The following CNTN5 variants were observed in gnomAD, a reference collection of about 807,000 sequenced individuals.
CNTN5 encodes the protein contactin 5.
A neutral mutation model predicts 129.1 loss-of-function variants in CNTN5; 77 were observed. The ratio of observed to expected loss-of-function variants is 0.60; its 90% CI spans 0.50 to 0.72. The LOEUF is 0.72. CNTN5 is among the 30% of genes least tolerant of loss of function. The pLI, the probability that CNTN5 is intolerant of heterozygous loss-of-function variation, is 0.00. For missense variants in CNTN5, 1,478 were observed against 1,328.8 expected, an observed-to-expected ratio of 1.11 and a Z score of -1.75; for synonymous variants, 509 against 465.6, an observed-to-expected ratio of 1.09 and a Z score of -1.20.
In CNTN5 at chr11:99,652,656, CAT is replaced by C. The variant is rs539848650; in HGVS notation, c.55+96389_55+96390del. Among the ~76,000 whole-genome samples the C allele has an allele frequency of 2.9e-3, 435 of 152,136 alleles. 1 individual carries two copies. The highest frequency in any genetic ancestry group is 4.8e-3 in the Non-Finnish European group (329 of 67,968). On this transcript the variant is annotated intron_variant, in intron 3 of 24. Transcript: ENST00000524871. ...TGAAAAATTTTGATCAGAACTTACA[CAT>C]AATTTATATAACTTAGTCCATTTTG... is the stretch of plus-strand genomic sequence containing the variant.
chr11:99,170,391 C>A (rs1047582876), intron 1 of CNTN5, among the ~76,000 whole-genome samples: 2 of 152,116 alleles, frequency 1.3e-5, no homozygotes, highest in East Asian at 1.9e-4. Context: ...ACAGGTGGGT[C>A]TAATCTTGGC....
At chr11:100,202,669 T>C (rs1452849709) in intron 15 of CNTN5, among the ~76,000 whole-genome samples, 1 of 151,974 alleles carries the variant, frequency 6.6e-6, no homozygotes, top group African/African-American at 2.4e-5. Context: ...AACATTTAAA[T>C]AGAATTTTAC....
chr11:100,040,733 C>A (rs1942328089), intron 9 of CNTN5, among the ~76,000 whole-genome samples: 1 of 152,204 alleles, frequency 6.6e-6, no homozygotes, highest in African/African-American at 2.4e-5. Context: ...GACTGCTGTG[C>A]TAGCAATGAG....
chr11:99,864,240 C>T (rs1331084447), intron 6 of CNTN5, among the ~76,000 whole-genome samples: 2 of 151,968 alleles, frequency 1.3e-5, no homozygotes, highest in African/African-American at 4.8e-5. Flanking sequence ...TATCCTTCTA[C>T]CAGATATTAA....
intron 2 of CNTN5, among the ~76,000 whole-genome samples, chr11:99,502,301 G>A (rs1361912520): frequency 6.6e-6 from 1 of 151,708 alleles, no homozygotes; most frequent in African/African-American, 2.4e-5. Flanking sequence ...TTTTTTTCTT[G>A]TGTCTTTAAT....
chr11:99,770,032 CTATT>C (rs1944891793), intron 3 of CNTN5, among the ~76,000 whole-genome samples: 1 of 152,032 alleles, frequency 6.6e-6, no homozygotes, highest in African/African-American at 2.4e-5. Flanking sequence ...TACCTAAAAT[CTATT>C]TAGAAAAGTT....
intron 1 of CNTN5, among the ~76,000 whole-genome samples, chr11:99,045,079 A>G (rs1864154188): frequency 6.6e-6 from 1 of 152,220 alleles, no homozygotes; most frequent in Non-Finnish European, 1.5e-5. Context: ...AATAAGTATT[A>G]GTAATGATTA....
chr11:99,319,952 T>C, intron 1 of CNTN5, among the ~76,000 whole-genome samples: 1 of 152,070 alleles, frequency 6.6e-6, no homozygotes, highest in Non-Finnish European at 1.5e-5. Flanking sequence ...TGAGGAAGAA[T>C]GAGATGTCAG....
chr11:100,056,524 G>T (rs897885017), intron 9 of CNTN5, among the ~76,000 whole-genome samples: 1 of 151,534 alleles, frequency 6.6e-6, no homozygotes, highest in African/African-American at 2.4e-5. Context: ...AAATTAGAAA[G>T]AGGGCCATTG....
At chr11:99,312,382 T>A (rs1015599545) in intron 1 of CNTN5, among the ~76,000 whole-genome samples, 3 of 152,168 alleles carry the variant, frequency 2.0e-5, no homozygotes, top group Non-Finnish European at 2.9e-5. Context: ...AGCCTTCGAT[T>A]CTTTATGTGT....
chr11:99,177,983 T>C (rs1286594775), intron 1 of CNTN5, among the ~76,000 whole-genome samples: 1 of 150,600 alleles, frequency 6.6e-6, no homozygotes, highest in Non-Finnish European at 1.5e-5. Flanking sequence ...GATCTTAAAC[T>C]GGAATGGCTG....
At chr11:99,851,003 T>C (rs1947855833) in intron 6 of CNTN5, among the ~76,000 whole-genome samples, 1 of 151,462 alleles carries the variant, frequency 6.6e-6, no homozygotes, top group Non-Finnish European at 1.5e-5. Context: ...GCCATTCACT[T>C]TATTCACTGA....
At chr11:100,133,184 A>G (rs1310575851) in intron 13 of CNTN5, among the ~76,000 whole-genome samples, 1 of 152,172 alleles carries the variant, frequency 6.6e-6, no homozygotes. Flanking sequence ...ATTAATGATG[A>G]ATAGCAACTT....
chr11:99,306,093 T>TCCAAAGCTACCAAATTTTTC (rs1177296583), intron 1 of CNTN5, among the ~76,000 whole-genome samples: 2 of 152,214 alleles, frequency 1.3e-5, no homozygotes, highest in Non-Finnish European at 2.9e-5. Context: ...TGAAATTTTA[T>TCCAAAGCTACCAAATTTTTC]CCAAAGCTAC....
At chr11:100,315,690 GA>G (rs538984061) in intron 21 of CNTN5, among the ~76,000 whole-genome samples, 10 of 150,728 alleles carry the variant, frequency 6.6e-5, no homozygotes, top group African/African-American at 1.9e-4. Context: ...GAAGAAATAA[GA>G]AAAAAAAATA....
intron 2 of CNTN5, among the ~76,000 whole-genome samples, chr11:99,464,934 A>C (rs766171284): frequency 7.9e-5 from 12 of 152,200 alleles, no homozygotes; most frequent in Non-Finnish European, 1.8e-4. Flanking sequence ...ATAAATTAGC[A>C]TTTACAGAGC....
rs201823393 is a variant in CNTN5, at chr11:99,220,880, T to TA, written c.-209-104456dup. On this transcript the variant is annotated intron_variant, in intron 1 of 24. Transcript: ENST00000524871. The stretch of plus-strand genomic sequence containing the variant: ...TTTTCACCTTATGAAAACAATGATT[T>TA]AAAAAAAAAATCAGCTTTTTAGTCT... Among the ~76,000 whole-genome samples the TA allele has an allele frequency of 4.6e-3, 698 of 150,192 alleles. 2 individuals are homozygous for TA. The highest frequency in any genetic ancestry group is 0.013 in the African/African-American group (538 of 41,056).
At chr11:99,248,533 T>C (rs1861935911) in intron 1 of CNTN5, among the ~76,000 whole-genome samples, 1 of 152,202 alleles carries the variant, frequency 6.6e-6, no homozygotes, top group Admixed American at 6.5e-5. Flanking sequence ...ATGAAGTCCT[T>C]GCCCATGCCT....
chr11:99,850,905 G>A (rs1314462345), intron 6 of CNTN5, among the ~76,000 whole-genome samples: 1 of 152,104 alleles, frequency 6.6e-6, no homozygotes, highest in Non-Finnish European at 1.5e-5. Context: ...AACCCCTACA[G>A]CATCCCTACT....
Sources: gnomAD v4.1 joint callset for allele counts (sites outside exome capture counted in the v4.1 genomes callset) on GRCh38, gnomAD v4.1.1 for gene constraint, MANE v1.5 for transcripts, NCBI Gene and HGNC (gene_info 2026-07-23, HGNC 2026-07-21) for gene names.